The following PHF20 variants were observed in gnomAD, a reference collection of about 807,000 sequenced individuals.
PHF20 encodes the protein PHD finger protein 20, also known as glioma-expressed antigen 2.
A neutral mutation model predicts 113.5 loss-of-function variants in PHF20; 23 were observed. That is an observed-to-expected ratio of 0.20 (90% CI 0.15 to 0.29). The LOEUF (loss-of-function observed/expected upper bound fraction) is 0.29. PHF20 is among the 10% of genes least tolerant of loss of function. PHF20 has a pLI of 1.00. For synonymous variants in PHF20, 434 were observed against 457.3 expected, an observed-to-expected ratio of 0.95 and a Z score of 0.65; for missense variants, 943 against 1,219.6, an observed-to-expected ratio of 0.77 and a Z score of 3.38.
intron 15 of PHF20, among the ~76,000 whole-genome samples, chr20:35,934,235 G>C (rs2055820646): frequency 6.6e-6 from 1 of 152,204 alleles, no homozygotes. Flanking sequence ...CTGGCACACA[G>C]AGGCCTGGCT....
intron 1 of PHF20, among the ~76,000 whole-genome samples, chr20:35,781,059 G>A (rs1162998952): frequency 6.6e-6 from 1 of 151,338 alleles, no homozygotes; most frequent in Non-Finnish European, 1.5e-5. Flanking sequence ...TACCATGTTG[G>A]TCAGTCTGGT....
chr20:35,869,575 G>A (rs971256074), intron 7 of PHF20, 24 bp downstream of exon 7: 3 of 1,279,032 alleles, frequency 2.3e-6, no homozygotes, highest in African/African-American at 2.9e-5. Flanking sequence ...TTGTTTATGT[G>A]TGGCTAGAAT....
At chr20:35,931,200 T>G (rs2055745404) in intron 14 of PHF20, 49 bp from the exon 15 acceptor site, 1 of 1,352,142 alleles carries the variant, frequency 7.4e-7, no homozygotes, top group Admixed American at 1.8e-5. Context: ...TGAAATGGCC[T>G]GGGTTTCCTT....
intron 9 of PHF20, among the ~76,000 whole-genome samples, chr20:35,888,994 T>A (rs1169577865): frequency 6.8e-6 from 1 of 147,168 alleles, no homozygotes; most frequent in Non-Finnish European, 1.5e-5. Flanking sequence ...TGACAACCAG[T>A]GGCCCTCTTA....
intron 2 of PHF20, among the ~76,000 whole-genome samples, chr20:35,840,104 G>C (rs1296676343): frequency 6.6e-6 from 1 of 152,148 alleles, no homozygotes; most frequent in East Asian, 1.9e-4. Flanking sequence ...CACTGTACTA[G>C]GTGCTGGATA....
At chr20:35,854,033 C>T (rs187963667) in intron 4 of PHF20, among the ~76,000 whole-genome samples, 4 of 152,182 alleles carry the variant, frequency 2.6e-5, no homozygotes, top group African/African-American at 9.6e-5. Flanking sequence ...GGATTACAGG[C>T]GTGAGCCACC....
At chr20:35,834,218 T>A (rs567070631) in intron 2 of PHF20, among the ~76,000 whole-genome samples, 2 of 150,226 alleles carry the variant, frequency 1.3e-5, no homozygotes, top group South Asian at 2.1e-4. Context: ...TTATGGGATA[T>A]AGGCAGGCTG....
intron 1 of PHF20, among the ~76,000 whole-genome samples, 159 bp downstream of exon 1, chr20:35,772,238 G>T (rs2041072115): frequency 6.6e-6 from 1 of 151,790 alleles, no homozygotes; most frequent in Admixed American, 6.6e-5. Context: ...CCAGCCTGGA[G>T]GGAGGCCCTG....
In PHF20 at chr20:35,939,041, G is replaced by C; in HGVS notation, c.2645G>C (p.Arg882Pro). The C allele has an allele frequency of 6.2e-7, 1 of 1,614,154 alleles. No homozygotes were observed. Among genetic ancestry groups the C allele is most frequent in the South Asian group, 1.1e-5 (1 of 91,088 alleles). The change falls in exon 16 of 18, where the codon CGC becomes CCC. Residue 882 changes from arginine to proline, a missense_variant. By Grantham distance (103) the Arg-to-Pro change is moderately radical (BLOSUM62 -2). Around this residue, in one of 3 missense-constraint regions of PHF20, gnomAD observed 349 missense variants for 412.3 expected, o/e 0.85. Transcript: ENST00000374012. ...HENGDDSLSPRLGWPLDQDRS... is the reference protein window; with the variant it reads ...HENGDDSLSPPLGWPLDQDRS... ...AACGGCGATGATTCCCTTTCCCCGC[G>C]CCTGGGCTGGCCTCTAGACCAAGAC...
intron 2 of PHF20, among the ~76,000 whole-genome samples, chr20:35,806,039 A>AGAGACAGGG (rs1289192631): frequency 2.0e-5 from 3 of 151,284 alleles, no homozygotes; most frequent in Admixed American, 6.6e-5. Context: ...TAATTTTTGT[A>AGAGACAGGG]TTTTTAGTAG....
intron 2 of PHF20, among the ~76,000 whole-genome samples, chr20:35,808,830 C>A (rs1423648431): frequency 6.6e-6 from 1 of 151,750 alleles, no homozygotes; most frequent in Non-Finnish European, 1.5e-5. Context: ...CCTCGGCCTC[C>A]CAACGTGCTG....
intron 3 of PHF20, among the ~76,000 whole-genome samples, chr20:35,843,998 G>GT (rs928839728): frequency 2.0e-5 from 3 of 151,962 alleles, no homozygotes; most frequent in African/African-American, 7.3e-5. Flanking sequence ...TAGTTTTAAG[G>GT]TTTTTTTGTT....
At chr20:35,804,081 G>T (rs945623080) in intron 2 of PHF20, among the ~76,000 whole-genome samples, 1 of 151,772 alleles carries the variant, frequency 6.6e-6, no homozygotes, top group East Asian at 1.9e-4. Context: ...TTGTTTGTTT[G>T]TTTATTTATT....
chr20:35,807,415 C>T lies in PHF20; in HGVS notation c.83+5810C>T, dbSNP rs568377405. Among the ~76,000 whole-genome samples the T allele has an allele frequency of 6.3e-5, 9 of 142,802 alleles. No individual in the cohort carries two copies. The South Asian group carries it at 1.3e-3, about 21-fold the overall frequency. The allele number at this position is 142,802 out of a possible 152,430, so 93.7% of individuals were successfully genotyped here. On this transcript the variant is annotated intron_variant, in intron 2 of 17. Coordinates refer to ENST00000374012, the MANE Select transcript of PHF20 (RefSeq NM_016436.5). The stretch of plus-strand genomic sequence containing the variant: ...TCACCCAGGCTAAAGTGCAGTAGAG[C>T]GATTTGGGCTCACTGCAACCTCCGC...
chr20:35,871,888 G>C, intron 9 of PHF20, 59 bp downstream of exon 9: 1 of 1,230,312 alleles, frequency 8.1e-7, no homozygotes, highest in Non-Finnish European at 1.1e-6. Flanking sequence ...TATGCTTTGT[G>C]AACTAAAAAA....
At chr20:35,903,337 A>G (rs1341303492) in intron 10 of PHF20, among the ~76,000 whole-genome samples, 1 of 152,234 alleles carries the variant, frequency 6.6e-6, no homozygotes, top group South Asian at 2.1e-4. Context: ...TTAAATCCCT[A>G]TGCTTTAACT....
intron 2 of PHF20, among the ~76,000 whole-genome samples, chr20:35,824,905 C>A (rs1260782753): frequency 2.0e-5 from 3 of 152,170 alleles, no homozygotes; most frequent in Non-Finnish European, 4.4e-5. Context: ...CAAGGTTCAT[C>A]TATGTTGTAC....
chr20:35,812,809 A>G (rs781780902), intron 2 of PHF20, among the ~76,000 whole-genome samples: 8 of 152,088 alleles, frequency 5.3e-5, no homozygotes, highest in South Asian at 2.1e-4. Flanking sequence ...GTACGTGTCA[A>G]TATCCTATTA....
chr20:35,916,172 A>C (rs2055400352), intron 12 of PHF20, among the ~76,000 whole-genome samples: 1 of 152,250 alleles, frequency 6.6e-6, no homozygotes, highest in African/African-American at 2.4e-5. Flanking sequence ...AAAGTAAAAC[A>C]ATATTTTATT....
Sources: allele counts gnomAD v4.1 joint callset (sites outside exome capture counted in the v4.1 genomes callset), GRCh38; gene constraint gnomAD v4.1.1; regional missense constraint gnomAD v4.1.1; transcripts MANE v1.5; gene names NCBI Gene and HGNC (gene_info 2026-07-23, HGNC 2026-07-21).